The following KALRN variants were observed in gnomAD, a reference collection of about 807,000 sequenced individuals.
The protein encoded by KALRN is kalirin RhoGEF kinase.
Under a neutral mutation model 353.7 loss-of-function variants are expected in KALRN, and 70 were observed. The ratio of observed to expected loss-of-function variants is 0.20; its 90% CI spans 0.16 to 0.24. KALRN has a LOEUF of 0.24. KALRN is among the 10% of genes least tolerant of loss of function. KALRN has a pLI of 1.00. For synonymous variants in KALRN, 1,391 were observed against 1,434.8 expected, an observed-to-expected ratio of 0.97 and a Z score of 0.69; for missense variants, 2,791 against 3,756.7, an observed-to-expected ratio of 0.74 and a Z score of 6.72.
chr3:124,363,498 G>T (rs2084294635), intron 10 of KALRN, among the ~76,000 whole-genome samples: 1 of 152,220 alleles, frequency 6.6e-6, no homozygotes, highest in Non-Finnish European at 1.5e-5. Flanking sequence ...CATGCAGTAA[G>T]ATAATGTACT....
intron 23 of KALRN, among the ~76,000 whole-genome samples, chr3:124,458,895 C>T (rs1470593519): frequency 6.6e-6 from 1 of 152,146 alleles, no homozygotes; most frequent in African/African-American, 2.4e-5. Flanking sequence ...AATTGCTCCA[C>T]TGCACTCCAG....
At chr3:124,533,204 C>T (rs2068206178) in intron 33 of KALRN, among the ~76,000 whole-genome samples, 1 of 151,730 alleles carries the variant, frequency 6.6e-6, no homozygotes, top group Admixed American at 6.6e-5. Flanking sequence ...GCCTGGGCAA[C>T]ACAGCAAGAC....
intron 34 of KALRN, among the ~76,000 whole-genome samples, chr3:124,565,409 G>A (rs34578394): frequency 0.083 from 12,648 of 152,280 alleles, 721 homozygotes; most frequent in Non-Finnish European, 0.11. Flanking sequence ...AGGGTACACA[G>A]AAGGTAGATT....
chr3:124,410,851 G>A (rs2150234155), intron 13 of KALRN, among the ~76,000 whole-genome samples: 1 of 152,276 alleles, frequency 6.6e-6, no homozygotes, highest in South Asian at 2.1e-4. Flanking sequence ...CTAAGTAATT[G>A]TGCAAGAGCA....
chr3:124,627,279 A>G (rs1218618686), intron 34 of KALRN, among the ~76,000 whole-genome samples: 1 of 152,260 alleles, frequency 6.6e-6, no homozygotes, highest in Non-Finnish European at 1.5e-5. Context: ...TGAGATTCCC[A>G]TAACTTGGGC....
intron 1 of KALRN, among the ~76,000 whole-genome samples, chr3:124,182,851 C>T (rs897029643): frequency 1.2e-4 from 18 of 152,272 alleles, no homozygotes; most frequent in African/African-American, 3.1e-4. Flanking sequence ...TGACCAAAAC[C>T]GCATCTTCAC....
intron 10 of KALRN, among the ~76,000 whole-genome samples, chr3:124,350,015 G>C (rs546310276): frequency 2.1e-4 from 32 of 152,298 alleles, no homozygotes; most frequent in Admixed American, 1.8e-3. Flanking sequence ...CTATGCCTCA[G>C]CATTCCTCAC....
At chr3:124,343,557 A>G (rs572106809) in intron 9 of KALRN, among the ~76,000 whole-genome samples, 34 of 152,300 alleles carry the variant, frequency 2.2e-4, no homozygotes, top group Admixed American at 5.9e-4. Flanking sequence ...TCTCCCGTTC[A>G]GCACACCAGG....
At chr3:124,647,626 A>G (rs1660029) in intron 37 of KALRN, among the ~76,000 whole-genome samples, 35,801 of 152,070 alleles carry the variant, frequency 0.24, 4,535 homozygotes, top group East Asian at 0.47. Flanking sequence ...AAGAGTGCCC[A>G]TTTTGGCTTA....
At chr3:124,657,877 G>C in intron 41 of KALRN, 74 bp downstream of exon 41, 3 of 1,107,412 alleles carry the variant, frequency 2.7e-6, no homozygotes, top group Non-Finnish European at 4.1e-6. Context: ...ATCCTGGCCA[G>C]GCACAGTGGC....
intron 9 of KALRN, among the ~76,000 whole-genome samples, chr3:124,338,041 G>A (rs1014520421): frequency 1.5e-4 from 23 of 151,654 alleles, no homozygotes; most frequent in African/African-American, 4.6e-4. Context: ...TTCTTTATTA[G>A]TCTGGCTAGT....
chr3:124,409,943 G>A (rs2091984011), intron 13 of KALRN, among the ~76,000 whole-genome samples: 1 of 152,106 alleles, frequency 6.6e-6, no homozygotes, highest in Non-Finnish European at 1.5e-5. Flanking sequence ...AGAGCCTGCG[G>A]ACCCAGGGAG....
At chr3:124,311,335 C>T (rs770481715) in intron 6 of KALRN, among the ~76,000 whole-genome samples, 10 of 151,878 alleles carry the variant, frequency 6.6e-5, no homozygotes, top group South Asian at 4.2e-4. Flanking sequence ...TGGTGGGGCA[C>T]GCCTATAGTC....
intron 1 of KALRN, among the ~76,000 whole-genome samples, chr3:124,199,694 A>C (rs2075781990): frequency 6.6e-6 from 1 of 152,202 alleles, no homozygotes; most frequent in African/African-American, 2.4e-5. Context: ...CAGCGATCTA[A>C]GTGCTCCATT....
At chr3:124,439,562 A>G (rs182577155) in intron 18 of KALRN, among the ~76,000 whole-genome samples, 85 of 152,338 alleles carry the variant, frequency 5.6e-4, no homozygotes, top group South Asian at 1.4e-3. Context: ...ACATGATTAA[A>G]ATATTTTATA....
chr3:124,297,827 C>T (rs1232584235), intron 5 of KALRN, among the ~76,000 whole-genome samples: 1 of 152,174 alleles, frequency 6.6e-6, no homozygotes. Context: ...TGTCTTGGCT[C>T]CACCCTTTCT....
intron 34 of KALRN, among the ~76,000 whole-genome samples, chr3:124,619,063 G>GT (rs2149659566): frequency 6.6e-6 from 1 of 150,510 alleles, no homozygotes; most frequent in South Asian, 2.1e-4. Flanking sequence ...ACATCTCCCT[G>GT]TTTCTTCCCC....
rs373713643 is a variant in KALRN at position 124,697,720 on chromosome 3, G to T, written c.7827G>T (p.Glu2609Asp). The T allele has an allele frequency of 6.4e-7, 1 of 1,566,524 alleles. No individual in the cohort carries two copies. The highest frequency in any genetic ancestry group is 8.6e-7 in the Non-Finnish European group (1 of 1,157,728). The stretch of plus-strand genomic sequence containing the variant: ...CTGGTTACACTGTGGAGTACAGAGA[G>T]GAAGGTGCACTATCTCCTGCTCTTC... ...TISGYTVEYREEGSQIWQQSV... is the reference protein window; with the variant it reads ...TISGYTVEYRDEGSQIWQQSV... The change falls in exon 55 of 60, where the codon GAG becomes GAT. Residue 2609 changes from glutamate to aspartate, a missense_variant. Around this residue, in one of 11 missense-constraint regions of KALRN, gnomAD observed 1,065 missense variants for 1,156.4 expected, o/e 0.92. Coordinates refer to ENST00000682506, the MANE Select transcript of KALRN (RefSeq NM_001388419.1).
At chr3:124,647,604 C>T (rs2150063445) in intron 37 of KALRN, among the ~76,000 whole-genome samples, 2 of 152,318 alleles carry the variant, frequency 1.3e-5, no homozygotes, top group Middle Eastern at 6.8e-3. Flanking sequence ...CCATTGTACC[C>T]TGTGTCTCTA....
Sources: gnomAD v4.1 joint callset for allele counts (sites outside exome capture counted in the v4.1 genomes callset) on GRCh38, gnomAD v4.1.1 for gene constraint, gnomAD v4.1.1 regional missense constraint, MANE v1.5 for transcripts, NCBI Gene and HGNC (gene_info 2026-07-23, HGNC 2026-07-21) for gene names.